Variants in TRIQK observed in about 807,000 individuals in gnomAD.
TRIQK encodes the protein triple QxxK/R motif containing.
Under a neutral mutation model 10.8 loss-of-function variants are expected in TRIQK, and 10 were observed. The observed-to-expected ratio is 0.92, with a 90% CI of 0.57 to 1.57. TRIQK has a LOEUF of 1.57. Among genes scored for constraint, TRIQK ranks in the 40% most tolerant of loss-of-function variants. The pLI is 0.00. For synonymous variants in TRIQK, 33 were observed against 33.7 expected, an observed-to-expected ratio of 0.98 and a Z score of 0.07; for missense variants, 107 against 97.7, an observed-to-expected ratio of 1.09 and a Z score of -0.40.
chr8:92,946,217 C>G (rs896931692), intron 2 of TRIQK, among the ~76,000 whole-genome samples: 1 of 152,090 alleles, frequency 6.6e-6, no homozygotes. Flanking sequence ...TCACAGTTTA[C>G]ATTGCATTCA....
At chr8:92,939,613 A>G (rs1811169590) in intron 2 of TRIQK, among the ~76,000 whole-genome samples, 1 of 152,156 alleles carries the variant, frequency 6.6e-6, no homozygotes, top group Non-Finnish European at 1.5e-5. Flanking sequence ...CACAGATCTC[A>G]GAGAAGCAAA....
chr8:92,920,737 G>C (rs1324509479), intron 2 of TRIQK, among the ~76,000 whole-genome samples: 1 of 151,758 alleles, frequency 6.6e-6, no homozygotes, highest in South Asian at 2.1e-4. Flanking sequence ...ACATGCAACT[G>C]AGTAGAAATG....
chr8:92,906,722 CAA>C (rs36073229), intron 3 of TRIQK, among the ~76,000 whole-genome samples: 54 of 126,496 alleles, frequency 4.3e-4, no homozygotes, highest in African/African-American at 1.2e-3. Context: ...CCGTCTCTAT[CAA>C]AAAAAAAAAA....
At position 92,886,738 on chromosome 8, in the gene TRIQK, G is replaced by T. The variant is rs778349261; in HGVS notation, c.148-3C>A. 1.3e-6 allele frequency: 2 copies of T among 1,495,604 alleles called. No homozygotes were observed. The highest frequency in any genetic ancestry group is 1.4e-5 in the African/African-American group (1 of 71,288). The allele number at this position is 1,495,604 out of a possible 1,614,324, so 92.6% of individuals were successfully genotyped here. Reference sequence around the variant, plus strand: ...GCTGCAAGTACAAGGCCAACTTCCTGGGAAGAAAAAAAAAGTAGACTTGAA... The same window carrying T: ...GCTGCAAGTACAAGGCCAACTTCCTTGGAAGAAAAAAAAAGTAGACTTGAA... On this transcript the variant is annotated splice_region_variant and splice_polypyrimidine_tract_variant and intron_variant, in intron 4 of 4. Transcript: ENST00000521988.
chr8:92,892,425 C>T (rs1289641874), intron 3 of TRIQK, among the ~76,000 whole-genome samples: 1 of 151,916 alleles, frequency 6.6e-6, no homozygotes, highest in African/African-American at 2.4e-5. Flanking sequence ...ATCCTATTAA[C>T]AGCTAAAGTT....
At chr8:92,993,104 G>C (rs971886995) in intron 1 of TRIQK, among the ~76,000 whole-genome samples, 1 of 152,144 alleles carries the variant, frequency 6.6e-6, no homozygotes, top group Non-Finnish European at 1.5e-5. Flanking sequence ...GGTCTTTTCA[G>C]TCATTGGTAA....
At chr8:92,909,024 T>G (rs1219807173) in intron 3 of TRIQK, among the ~76,000 whole-genome samples, 2 of 151,918 alleles carry the variant, frequency 1.3e-5, no homozygotes, top group African/African-American at 2.4e-5. Context: ...TCATATAAAG[T>G]AAATCTGCAG....
At chr8:92,974,419 A>G (rs941097491) in intron 1 of TRIQK, 8 of 152,386 alleles carry the variant, frequency 5.2e-5, no homozygotes, top group African/African-American at 1.9e-4. Context: ...ATCTCATTCC[A>G]AAAGGGCCAA....
rs1813319190 is a variant in TRIQK at position 93,010,305 on chromosome 8, T to C, written c.-181+7304A>G. On this transcript the variant is annotated intron_variant, in intron 1 of 4. Coordinates refer to the TRIQK transcript ENST00000520686. ...CACAGAAATGATGATTAAGGTGATG[T>C]ATATGCTAATTACCATGACTTGATC... 2.6e-5 allele frequency among the ~76,000 whole-genome samples: 4 copies of C among 152,120 alleles called. No homozygotes were observed. The South Asian group carries it at 8.3e-4, about 31-fold the overall frequency.
At chr8:92,923,327 A>G (rs751179892) in intron 2 of TRIQK, among the ~76,000 whole-genome samples, 2 of 151,734 alleles carry the variant, frequency 1.3e-5, no homozygotes, top group Non-Finnish European at 3.0e-5. Flanking sequence ...GATCAGCCAC[A>G]ATTTAAAATG....
At chr8:92,913,421 A>G (rs2130434260) in intron 3 of TRIQK, among the ~76,000 whole-genome samples, 1 of 152,328 alleles carries the variant, frequency 6.6e-6, no homozygotes, top group South Asian at 2.1e-4. Flanking sequence ...ACAGTGAGAC[A>G]CCATCTCATG....
At chr8:93,004,486 A>G (rs1158429584) in intron 1 of TRIQK, among the ~76,000 whole-genome samples, 1 of 152,176 alleles carries the variant, frequency 6.6e-6, no homozygotes, top group East Asian at 1.9e-4. Context: ...AATGCCCTGG[A>G]GGTATCTTCT....
chr8:92,925,986 AG>A (rs1442700350), intron 2 of TRIQK, among the ~76,000 whole-genome samples: 1 of 152,132 alleles, frequency 6.6e-6, no homozygotes, highest in Non-Finnish European at 1.5e-5. Flanking sequence ...AGGCTGAGGC[AG>A]GAGAATGGTG....
Position 92,936,677 on chromosome 8 carries a change from T to C in TRIQK, c.-22+17729A>G, listed in dbSNP as rs1217521469. The stretch of plus-strand genomic sequence containing the variant: ...CAGTAAGACAAAAGGGGAAAGAGCA[T>C]AGGGGATTGGAAAGGAAAAAGAAAA... On this transcript the variant is annotated intron_variant, in intron 2 of 4. Transcript: ENST00000521988. Among the ~76,000 whole-genome samples, 3 of 151,370 alleles carry C rather than the reference T, an allele frequency of 2.0e-5. No individual in the cohort carries two copies. The East Asian group carries it at 5.8e-4, about 29-fold the overall frequency.
intron 3 of TRIQK, 77 bp downstream of exon 3, chr8:92,916,852 A>C: frequency 9.0e-7 from 1 of 1,116,422 alleles, no homozygotes; most frequent in Non-Finnish European, 1.2e-6. Context: ...TATTAGAGAA[A>C]ATTTATTTTC....
At chr8:92,934,608 C>A (rs1180318640) in intron 2 of TRIQK, among the ~76,000 whole-genome samples, 1 of 151,794 alleles carries the variant, frequency 6.6e-6, no homozygotes, top group East Asian at 1.9e-4. Flanking sequence ...AGTATAAAAA[C>A]AACTGGTCTA....
chr8:92,897,590 C>A (rs943435362), intron 3 of TRIQK, among the ~76,000 whole-genome samples: 1 of 152,072 alleles, frequency 6.6e-6, no homozygotes, highest in Non-Finnish European at 1.5e-5. Context: ...TAGGATGATG[C>A]GTTGACCTTT....
intron 1 of TRIQK, among the ~76,000 whole-genome samples, chr8:92,963,254 A>G (rs2130719129): frequency 6.6e-6 from 1 of 152,310 alleles, no homozygotes; most frequent in South Asian, 2.1e-4. Flanking sequence ...TACCTCTTCA[A>G]GTTTTTCCTT....
At chr8:92,920,556 G>A (rs897917970) in intron 2 of TRIQK, among the ~76,000 whole-genome samples, 2 of 151,402 alleles carry the variant, frequency 1.3e-5, no homozygotes, top group Non-Finnish European at 3.0e-5. Flanking sequence ...GAGAGAGAGA[G>A]ACAAAGAGCA....
Sources: gnomAD v4.1 joint callset for allele counts (sites outside exome capture counted in the v4.1 genomes callset) on GRCh38, gnomAD v4.1.1 for gene constraint, MANE v1.5 for transcripts, NCBI Gene and HGNC (gene_info 2026-07-23, HGNC 2026-07-21) for gene names.